Variants in RORA observed in about 807,000 individuals in gnomAD.
The protein encoded by RORA is nuclear receptor ROR-alpha.
RORA carries 7 observed loss-of-function variants against 69.5 expected under a neutral mutation model. The observed-to-expected ratio is 0.10, with a 90% CI of 0.06 to 0.19. The LOEUF (loss-of-function observed/expected upper bound fraction) is 0.19. Ranked by LOEUF, RORA falls within the 10% of genes least tolerant of loss-of-function variation. The pLI is 1.00. For synonymous variants in RORA, 261 were observed against 240.8 expected (o/e 1.08, Z -0.78); for missense variants, 457 against 663.0 (o/e 0.69, Z 3.41).
intron 1 of RORA, among the ~76,000 whole-genome samples, chr15:60,813,134 C>A (rs1040099450): frequency 3.3e-5 from 5 of 152,202 alleles, no homozygotes; most frequent in Non-Finnish European, 7.3e-5. Context: ...GAAAGAGAGA[C>A]AGAAGAACTA....
At chr15:60,931,529 TC>T (rs1892372282) in intron 1 of RORA, among the ~76,000 whole-genome samples, 2 of 152,250 alleles carry the variant, frequency 1.3e-5, no homozygotes, top group African/African-American at 4.8e-5. Flanking sequence ...ACTCCTTTCT[TC>T]TCATGAAGTG....
intron 1 of RORA, among the ~76,000 whole-genome samples, chr15:60,935,982 C>T (rs1892508800): frequency 6.6e-6 from 1 of 152,202 alleles, no homozygotes; most frequent in Admixed American, 6.5e-5. Context: ...CTGAGACTGA[C>T]ATTGTTGAAT....
At chr15:60,777,129 C>T (rs1266208277) in intron 1 of RORA, among the ~76,000 whole-genome samples, 2 of 152,170 alleles carry the variant, frequency 1.3e-5, no homozygotes, top group Non-Finnish European at 2.9e-5. Flanking sequence ...ACCAGGAGCC[C>T]TTTAAGACGA....
chr15:61,210,165 G>A lies in RORA; in HGVS notation c.166+18888C>T, dbSNP rs77603455. Among the ~76,000 whole-genome samples, 613 of 152,292 alleles carry A rather than the reference G, an allele frequency of 4.0e-3. 3 individuals are homozygous for A. Among genetic ancestry groups the A allele is most frequent in the Middle Eastern group, 0.027 (8 of 294 alleles). Reference sequence around the variant, plus strand: ...GATGTTAAAATGTGCAGTTAACAAGGAAGGGCAGAGCTTCACTAACCAGCA... The same window carrying A: ...GATGTTAAAATGTGCAGTTAACAAGAAAGGGCAGAGCTTCACTAACCAGCA... On this transcript the variant is annotated intron_variant, in intron 1 of 10. Transcript: ENST00000335670.
At chr15:60,649,415 C>A (rs1056377486) in intron 2 of RORA, among the ~76,000 whole-genome samples, 1 of 152,132 alleles carries the variant, frequency 6.6e-6, no homozygotes, top group Admixed American at 6.5e-5. Flanking sequence ...GGGACACTGA[C>A]ATTTTGGAGG....
chr15:60,622,872 C>A (rs28495008), intron 2 of RORA, among the ~76,000 whole-genome samples: 3,109 of 152,026 alleles, frequency 0.02, 107 homozygotes, highest in East Asian at 0.15. Flanking sequence ...TGCACCACCA[C>A]ACCTGGCTAA....
chr15:60,589,935 C>A (rs2068448748), intron 2 of RORA, among the ~76,000 whole-genome samples: 1 of 152,146 alleles, frequency 6.6e-6, no homozygotes, highest in African/African-American at 2.4e-5. Flanking sequence ...ACACATGGAA[C>A]CAATTTAACT....
intron 2 of RORA, among the ~76,000 whole-genome samples, chr15:60,555,161 T>A (rs2067322383): frequency 6.6e-6 from 1 of 152,182 alleles, no homozygotes; most frequent in Non-Finnish European, 1.5e-5. Context: ...TTTCTGTATG[T>A]CAGTATCCTG....
At chr15:61,189,246 A>T (rs1409902852) in intron 1 of RORA, among the ~76,000 whole-genome samples, 1 of 152,244 alleles carries the variant, frequency 6.6e-6, no homozygotes, top group Non-Finnish European at 1.5e-5. Context: ...TAAAAGATTT[A>T]AAAATGAACA....
chr15:60,869,705 G>A (rs545761479), intron 1 of RORA, among the ~76,000 whole-genome samples: 3 of 152,270 alleles, frequency 2.0e-5, no homozygotes, highest in South Asian at 2.1e-4. Flanking sequence ...TTCTAGGATC[G>A]AAAAATGCAT....
chr15:60,775,827 A>G (rs1412171839), intron 1 of RORA, among the ~76,000 whole-genome samples: 1 of 152,216 alleles, frequency 6.6e-6, no homozygotes, highest in Non-Finnish European at 1.5e-5. Context: ...AAAATTACTG[A>G]CATAGAAGAA....
At chr15:60,827,153 G>A (rs2072974876) in intron 1 of RORA, among the ~76,000 whole-genome samples, 1 of 152,190 alleles carries the variant, frequency 6.6e-6, no homozygotes, top group African/African-American at 2.4e-5. Flanking sequence ...GACTTGCTTA[G>A]TATCTACCTG....
At chr15:60,901,087 C>T (rs1286582106) in intron 1 of RORA, among the ~76,000 whole-genome samples, 1 of 152,094 alleles carries the variant, frequency 6.6e-6, no homozygotes, top group Non-Finnish European at 1.5e-5. Flanking sequence ...ACAATAAATA[C>T]TTCTTGTCAT....
chr15:61,173,737 C>A (rs979163156), intron 1 of RORA, among the ~76,000 whole-genome samples: 1 of 152,196 alleles, frequency 6.6e-6, no homozygotes, highest in Non-Finnish European at 1.5e-5. Flanking sequence ...CTCACTGCGA[C>A]CTCAACCTCC....
At chr15:60,588,982 T>TTCAGA (rs1435938522) in intron 2 of RORA, among the ~76,000 whole-genome samples, 1 of 152,196 alleles carries the variant, frequency 6.6e-6, no homozygotes, top group Non-Finnish European at 1.5e-5. Flanking sequence ...GACAAATGGA[T>TTCAGA]TCAGAAATCC....
intron 1 of RORA, among the ~76,000 whole-genome samples, chr15:60,963,143 T>C (rs1566926676): frequency 6.6e-6 from 1 of 152,240 alleles, no homozygotes; most frequent in Non-Finnish European, 1.5e-5. Flanking sequence ...GAGGCAGATA[T>C]GACTATCCCC....
chr15:60,836,972 T>C (rs1448747989), intron 1 of RORA, among the ~76,000 whole-genome samples: 1 of 152,102 alleles, frequency 6.6e-6, no homozygotes, highest in Non-Finnish European at 1.5e-5. Context: ...CCTTTCCCTG[T>C]TGAAAAATCC....
intron 2 of RORA, among the ~76,000 whole-genome samples, chr15:60,609,775 G>A (rs2069041113): frequency 6.6e-6 from 1 of 152,188 alleles, no homozygotes; most frequent in Non-Finnish European, 1.5e-5. Flanking sequence ...ACAAATCATG[G>A]ACTACCCACT....
chr15:60,684,180 C>G (rs939266316), intron 1 of RORA, among the ~76,000 whole-genome samples: 7 of 151,918 alleles, frequency 4.6e-5, no homozygotes, highest in Admixed American at 4.6e-4. Flanking sequence ...GCCTTGTATC[C>G]TGGACAAGGC....
Sources: allele counts gnomAD v4.1 joint callset (sites outside exome capture counted in the v4.1 genomes callset), GRCh38; gene constraint gnomAD v4.1.1; transcripts MANE v1.5; gene names NCBI Gene and HGNC (gene_info 2026-07-23, HGNC 2026-07-21).